OXR1: variants seen among roughly 807,000 people sequenced by gnomAD.
OXR1 encodes oxidation resistance protein 1.
Under a neutral mutation model 104.6 loss-of-function variants are expected in OXR1, and 41 were observed. The ratio of observed to expected loss-of-function variants is 0.39; its 90% CI spans 0.31 to 0.51. OXR1 has a LOEUF of 0.51. OXR1 is among the 20% of genes least tolerant of loss of function. OXR1 has a pLI of 0.77. For synonymous variants in OXR1, 348 were observed against 348.4 expected (o/e 1.00, Z 0.01); for missense variants, 955 against 1,031.9 (o/e 0.93, Z 1.02).
intron 3 of OXR1, among the ~76,000 whole-genome samples, chr8:106,534,132 A>G (rs1017692241): frequency 6.6e-6 from 1 of 152,162 alleles, no homozygotes; most frequent in African/African-American, 2.4e-5. Flanking sequence ...ACAGATGCTG[A>G]CTCAACAGAT....
At chr8:106,624,125 C>T (rs186149152) in intron 3 of OXR1, among the ~76,000 whole-genome samples, 7 of 152,268 alleles carry the variant, frequency 4.6e-5, no homozygotes, top group Admixed American at 2.6e-4. Context: ...CCAATTATTT[C>T]CCTGATTTGA....
intron 15 of OXR1, among the ~76,000 whole-genome samples, chr8:106,744,203 T>C (rs1024030409): frequency 1.3e-5 from 2 of 152,174 alleles, no homozygotes. Context: ...CTCCTGAACT[T>C]AAAAGTTAAA....
intron 1 of OXR1, among the ~76,000 whole-genome samples, chr8:106,277,144 G>A (rs1812081007): frequency 6.6e-6 from 1 of 152,122 alleles, no homozygotes; most frequent in Admixed American, 6.5e-5. Flanking sequence ...AATTTATGGT[G>A]ACTGATATGC....
intron 2 of OXR1, among the ~76,000 whole-genome samples, chr8:106,452,351 A>C (rs1244909448): frequency 6.6e-6 from 1 of 152,154 alleles, no homozygotes; most frequent in Non-Finnish European, 1.5e-5. Flanking sequence ...GCAAACCAAA[A>C]TGTTTGTTAA....
intron 4 of OXR1, among the ~76,000 whole-genome samples, chr8:106,681,669 C>T (rs1030364819): frequency 1.3e-5 from 2 of 152,096 alleles, no homozygotes; most frequent in Non-Finnish European, 2.9e-5. Context: ...GGACTACAGG[C>T]ATGCATCACC....
intron 3 of OXR1, among the ~76,000 whole-genome samples, chr8:106,627,993 TC>T (rs1822317179): frequency 6.6e-6 from 1 of 152,212 alleles, no homozygotes; most frequent in African/African-American, 2.4e-5. Flanking sequence ...TTCAGGTTTC[TC>T]CCTGCCTTTC....
At chr8:106,578,476 G>T (rs1818008348) in intron 3 of OXR1, among the ~76,000 whole-genome samples, 1 of 152,202 alleles carries the variant, frequency 6.6e-6, no homozygotes, top group Admixed American at 6.5e-5. Context: ...AACTCCGATA[G>T]AAGCTATCCA....
At chr8:106,354,842 G>T (rs2130319587) in intron 1 of OXR1, among the ~76,000 whole-genome samples, 1 of 152,110 alleles carries the variant, frequency 6.6e-6, no homozygotes, top group Non-Finnish European at 1.5e-5. Flanking sequence ...TTTGTGAAAT[G>T]GCAAAGTAAT....
intron 14 of OXR1, among the ~76,000 whole-genome samples, chr8:106,741,267 C>T (rs1248353530): frequency 6.6e-6 from 1 of 152,130 alleles, no homozygotes; most frequent in Non-Finnish European, 1.5e-5. Context: ...AGAAATCAAA[C>T]ACCAGAGAGT....
At chr8:106,445,272 A>G (rs768086370) in intron 2 of OXR1, among the ~76,000 whole-genome samples, 4 of 152,222 alleles carry the variant, frequency 2.6e-5, no homozygotes, top group Non-Finnish European at 5.9e-5. Flanking sequence ...ATGAAATACC[A>G]AAGAAGAGTG....
chr8:106,575,301 A>G (rs1475002762), intron 3 of OXR1, among the ~76,000 whole-genome samples: 2 of 152,154 alleles, frequency 1.3e-5, no homozygotes, highest in African/African-American at 4.8e-5. Flanking sequence ...CTCTTAATCT[A>G]TATTGCTAAA....
At chr8:106,294,807 G>T (rs894221330) in intron 1 of OXR1, among the ~76,000 whole-genome samples, 2 of 152,128 alleles carry the variant, frequency 1.3e-5, no homozygotes, top group Non-Finnish European at 2.9e-5. Context: ...ATATCACAGG[G>T]TAACTCAAGC....
At chr8:106,369,514 G>C (rs551539786) in intron 2 of OXR1, among the ~76,000 whole-genome samples, 1 of 152,180 alleles carries the variant, frequency 6.6e-6, no homozygotes, top group African/African-American at 2.4e-5. Flanking sequence ...TTTCTTCTAG[G>C]GTTTTTATGG....
chr8:106,318,168 A>G (rs1472593424), intron 1 of OXR1, among the ~76,000 whole-genome samples: 1 of 152,236 alleles, frequency 6.6e-6, no homozygotes, highest in East Asian at 1.9e-4. Context: ...TTATTAAAAA[A>G]AATCAATGGC....
chr8:106,273,775 A>G (rs919725271), intron 1 of OXR1, among the ~76,000 whole-genome samples: 1 of 152,192 alleles, frequency 6.6e-6, no homozygotes, highest in Non-Finnish European at 1.5e-5. Flanking sequence ...TTTTGGCAGA[A>G]CTGTTTTTCA....
intron 2 of OXR1, among the ~76,000 whole-genome samples, chr8:106,508,546 C>T (rs1812318724): frequency 6.6e-6 from 1 of 152,130 alleles, no homozygotes; most frequent in Admixed American, 6.6e-5. Context: ...GGGCAGCTTT[C>T]AAAAGAAATC....
At chr8:106,313,165 A>G (rs1362405748) in intron 1 of OXR1, among the ~76,000 whole-genome samples, 2 of 152,070 alleles carry the variant, frequency 1.3e-5, no homozygotes, top group Non-Finnish European at 2.9e-5. Flanking sequence ...TCATTGCATG[A>G]TGAGACAATA....
chr8:106,691,069 A>G (rs1361647120), intron 6 of OXR1, among the ~76,000 whole-genome samples: 12 of 152,050 alleles, frequency 7.9e-5, no homozygotes, highest in African/African-American at 2.4e-4. Context: ...TGTATAATAT[A>G]TTCTACAAAA....
intron 12 of OXR1, among the ~76,000 whole-genome samples, chr8:106,739,075 T>TACACACACACACACACACACACACAC (rs71307086): frequency 7.4e-4 from 105 of 141,628 alleles, no homozygotes; most frequent in East Asian, 2.8e-3. Context: ...TTAAATAGCA[T>TACACACACACACACACACACACACAC]ACACACACAC....
Sources: gnomAD v4.1 joint callset for allele counts (sites outside exome capture counted in the v4.1 genomes callset) on GRCh38, gnomAD v4.1.1 for gene constraint, MANE v1.5 for transcripts, NCBI Gene and HGNC (gene_info 2026-07-23, HGNC 2026-07-21) for gene names.